Variants in MIDEAS observed in about 807,000 individuals in gnomAD.
The protein encoded by MIDEAS is mitotic deacetylase associated SANT domain protein.
Under a neutral mutation model 102.7 loss-of-function variants are expected in MIDEAS, and 26 were observed. That is an observed-to-expected ratio of 0.25 (90% CI 0.19 to 0.35). The LOEUF (loss-of-function observed/expected upper bound fraction) is 0.35. MIDEAS is among the 10% of genes least tolerant of loss of function. The pLI is 1.00. For synonymous variants in MIDEAS, 585 were observed against 591.0 expected (o/e 0.99, Z 0.15); for missense variants, 1,231 against 1,435.6 (o/e 0.86, Z 2.30).
intron 1 of MIDEAS, among the ~76,000 whole-genome samples, chr14:73,777,798 G>A (rs2053705074): frequency 6.6e-6 from 1 of 151,962 alleles, no homozygotes; most frequent in Non-Finnish European, 1.5e-5. Context: ...TCTCTCTCCT[G>A]GCCGTGGTAG....
In MIDEAS at chr14:73,722,750, A is replaced by C. The variant is rs199880051; in HGVS notation, c.2672T>G (p.Val891Gly). 6.2e-7 allele frequency: 1 copy of C among 1,614,188 alleles called. No individual in the cohort carries two copies. The highest frequency in any genetic ancestry group is 8.5e-7 in the Non-Finnish European group (1 of 1,180,024). The change falls in exon 10 of 13, where the codon GTG (valine) becomes GGG (glycine). Residue 891 changes from valine to glycine, a missense_variant. Around this residue, in one of 5 missense-constraint regions of MIDEAS, gnomAD observed 391 missense variants for 483.0 expected, o/e 0.81. Coordinates refer to ENST00000423556, the MANE Select transcript of MIDEAS (RefSeq NM_001367710.1). ...GRNGTLTFGD[V>G]DTSDEKSAQE... The stretch of plus-strand genomic sequence containing the variant: ...GGCCGACTTCTCATCGCTCGTATCC[A>C]CATCCCCAAAGGTTAGAGTCCCATT...
chr14:73,753,514 T>C (rs1336655765), intron 1 of MIDEAS, among the ~76,000 whole-genome samples: 3 of 152,210 alleles, frequency 2.0e-5, no homozygotes, highest in Non-Finnish European at 4.4e-5. Context: ...TGGGATTCAA[T>C]GAGGTAATAC....
Position 73,725,323 on chromosome 14 carries a change from G to A in MIDEAS, c.2523C>T (p.Phe841=). ...DQWKMAERKL[F]NKGIAIYKKD... is the part of the protein sequence containing the mutation. ...TCTTGTAGATGGCAATGCCTTTGTT[G>A]AACAGCTTCCTCTCGGCCATCTTCC... Residue 841 remains phenylalanine, a synonymous_variant, in exon 9 of 13, where the codon TTC becomes TTT. Coordinates refer to ENST00000423556, the MANE Select transcript of MIDEAS (RefSeq NM_001367710.1). The surrounding 1 kb of genome is among the most constrained non-coding windows in gnomAD (Gnocchi z 4.1). The A allele has an allele frequency of 1.2e-6, 2 of 1,614,082 alleles. No individual in the cohort carries two copies. The highest frequency in any genetic ancestry group is 1.7e-6 in the Non-Finnish European group (2 of 1,179,992).
At chr14:73,731,179 T>A (rs1243404633) in intron 3 of MIDEAS, among the ~76,000 whole-genome samples, 1 of 152,206 alleles carries the variant, frequency 6.6e-6, no homozygotes, top group Non-Finnish European at 1.5e-5. Flanking sequence ...TCGATTCCTA[T>A]AATCTCAAAG....
At chr14:73,733,379 C>T (rs1416856528) in intron 3 of MIDEAS, among the ~76,000 whole-genome samples, 2 of 151,644 alleles carry the variant, frequency 1.3e-5, no homozygotes, top group Non-Finnish European at 2.9e-5. Context: ...CCTGAGGTCA[C>T]GAATTCAAGA....
intron 3 of MIDEAS, among the ~76,000 whole-genome samples, chr14:73,734,466 G>A (rs556618398): frequency 3.3e-5 from 5 of 152,112 alleles, no homozygotes; most frequent in Non-Finnish European, 5.9e-5. Context: ...GGAGTGCAGT[G>A]GCACAATCAC....
In MIDEAS at chr14:73,717,532, C is replaced by G. The variant is rs1221392851; in HGVS notation, c.*1311G>C. 6.6e-6 allele frequency: 1 copy of G among 152,562 alleles called. No homozygotes were observed. The highest frequency in any genetic ancestry group is 6.5e-5 in the Admixed American group (1 of 15,274). The allele number at this position is 152,562 out of a possible 1,614,324, so 9.5% of individuals were successfully genotyped here. On this transcript the variant is annotated 3_prime_UTR_variant, in exon 13 of 13. Coordinates refer to ENST00000423556, the MANE Select transcript of MIDEAS (RefSeq NM_001367710.1). ...TGGGTCTGGTGACACCCTCCACCTT[C>G]CCACGCTCTTTCAGTGTTGCTATCA... is the stretch of plus-strand genomic sequence containing the variant.
exon 1 of MIDEAS, chr14:73,787,250 T>G (rs932272512): frequency 6.7e-6 from 1 of 148,640 alleles, no homozygotes; most frequent in East Asian, 1.9e-4. Flanking sequence ...GCCCGGGCTG[T>G]GACCCAGCGG....
chr14:73,765,758 C>CA (rs1017805282), intron 1 of MIDEAS, among the ~76,000 whole-genome samples: 53 of 152,264 alleles, frequency 3.5e-4, no homozygotes, highest in African/African-American at 1.3e-3. Context: ...ATCCCACACC[C>CA]AGATCTCCCA....
intron 1 of MIDEAS, among the ~76,000 whole-genome samples, chr14:73,740,579 G>A (rs2053269966): frequency 6.6e-6 from 1 of 152,202 alleles, no homozygotes; most frequent in African/African-American, 2.4e-5. Context: ...TAAGGCACAG[G>A]TGGAGCTGAC....
upstream of MIDEAS, among the ~76,000 whole-genome samples, chr14:73,788,420 G>C (rs1416297299): frequency 6.6e-6 from 1 of 152,134 alleles, no homozygotes; most frequent in Non-Finnish European, 1.5e-5. Context: ...GTTCAGAAAG[G>C]TGGATGTAAG....
chr14:73,768,074 C>T (rs189951084), intron 1 of MIDEAS, among the ~76,000 whole-genome samples: 1 of 151,750 alleles, frequency 6.6e-6, no homozygotes, highest in African/African-American at 2.4e-5. Flanking sequence ...TGGGGAGAAT[C>T]GCTTGAGCCC....
In MIDEAS at chr14:73,739,834, AGGT is replaced by A; in HGVS notation, c.172_174del (p.Thr58del). The A allele has an allele frequency of 6.2e-7, 1 of 1,608,694 alleles. No homozygotes were observed. The highest frequency in any genetic ancestry group is 8.5e-7 in the Non-Finnish European group (1 of 1,176,402). On this transcript the variant is annotated inframe_deletion, in exon 2 of 13. Coordinates refer to ENST00000423556, the MANE Select transcript of MIDEAS (RefSeq NM_001367710.1). ...GGAGGGGGCAGTTCCACAGGCTGAG[AGGT>A]GGAGACTGCCCCTCCTGGACCCTCG...
intron 1 of MIDEAS, among the ~76,000 whole-genome samples, chr14:73,748,844 A>G (rs2053386095): frequency 6.6e-6 from 1 of 152,212 alleles, no homozygotes; most frequent in Non-Finnish European, 1.5e-5. Flanking sequence ...AATATTTTAT[A>G]ATGAACAAAG....
chr14:73,732,785 C>CAAAAAA (rs57681928), intron 3 of MIDEAS, among the ~76,000 whole-genome samples: 1 of 46,068 alleles, frequency 2.2e-5, no homozygotes, highest in African/African-American at 7.3e-5. Context: ...GACTCCCTCT[C>CAAAAAA]AAAAAAAAAA....
chr14:73,739,954 C>T lies in MIDEAS; in HGVS notation c.55G>A (p.Gly19Arg), dbSNP rs201031364. Residue 19 changes from glycine (G) to arginine (R), a missense_variant, in exon 2 of 13, where the codon GGG becomes AGG. By Grantham distance (125) the Gly-to-Arg change is moderately radical. Coordinates refer to ENST00000423556, the MANE Select transcript of MIDEAS (RefSeq NM_001367710.1). Reference protein sequence around the residue: ...AQNKRKRCLFGGQEPAPKEQP... With the variant: ...AQNKRKRCLFRGQEPAPKEQP... ...TCCTTGGGAGCTGGTTCCTGGCCCCCGAAGAGGCAACGCTTCCGCTTGTTC... is the reference window on the plus strand; with the variant it reads ...TCCTTGGGAGCTGGTTCCTGGCCCCTGAAGAGGCAACGCTTCCGCTTGTTC... The T allele has an allele frequency of 1.1e-5, 16 of 1,514,694 alleles. No individual in the cohort carries two copies. The highest frequency in any genetic ancestry group is 7.0e-5 in the African/African-American group (5 of 71,732). 93.8% of individuals were successfully genotyped at this position (1,514,694 alleles called of 1,614,324 possible).
chr14:73,774,087 T>TCC (rs2140171497), intron 1 of MIDEAS, among the ~76,000 whole-genome samples: 1 of 149,534 alleles, frequency 6.7e-6, no homozygotes, highest in South Asian at 2.2e-4. Context: ...AGAAAGCCAC[T>TCC]CCTCCACAGG....
At chr14:73,760,411 G>T (rs2053544232), upstream of MIDEAS, 1 of 152,250 alleles carries the variant, frequency 6.6e-6, no homozygotes, top group Admixed American at 6.5e-5. This position sits in a 1 kb window ranked among gnomAD's most constrained non-coding sequence, Gnocchi z 4.8. Context: ...CCGGGGCTGG[G>T]GATTTCCAGC....
At chr14:73,736,354 A>G (rs2336076) in intron 3 of MIDEAS, among the ~76,000 whole-genome samples, 124,303 of 151,958 alleles carry the variant, frequency 0.82, 51,384 homozygotes, top group East Asian at 0.94. Context: ...GATGTCGGCC[A>G]GGCGCGGTGG....
Sources: allele counts gnomAD v4.1 joint callset (sites outside exome capture counted in the v4.1 genomes callset), GRCh38; gene constraint gnomAD v4.1.1; regional missense constraint gnomAD v4.1.1; non-coding constraint Gnocchi (gnomAD v3.1); transcripts MANE v1.5; gene names NCBI Gene and HGNC (gene_info 2026-07-23, HGNC 2026-07-21).